PCSK5: variants seen among roughly 807,000 people sequenced by gnomAD.
The protein encoded by PCSK5 is proprotein convertase subtilisin/kexin type 5.
A neutral mutation model predicts 233.2 loss-of-function variants in PCSK5; 129 were observed. The observed-to-expected ratio is 0.55, with a 90% CI of 0.48 to 0.64. PCSK5 has a LOEUF of 0.64. Ranked by LOEUF, PCSK5 falls within the 30% of genes least tolerant of loss-of-function variation. PCSK5 has a pLI of 0.00. For missense variants in PCSK5, 2,076 were observed against 2,430.1 expected (o/e 0.85, Z 3.06); for synonymous variants, 825 against 879.2 (o/e 0.94, Z 1.09).
chr9:76,254,435 T>C (rs571944633), intron 24 of PCSK5, among the ~76,000 whole-genome samples: 22 of 152,212 alleles, frequency 1.4e-4, no homozygotes, highest in Middle Eastern at 3.4e-3. Flanking sequence ...CTAACTTTTT[T>C]CTTCTCTCAA....
chr9:76,116,140 A>G (rs911836089), intron 9 of PCSK5, among the ~76,000 whole-genome samples: 2 of 152,084 alleles, frequency 1.3e-5, no homozygotes, highest in Non-Finnish European at 2.9e-5. Context: ...GATTGAAAGC[A>G]TGTCATTTTA....
chr9:76,165,031 A>G (rs1823034032), intron 12 of PCSK5, among the ~76,000 whole-genome samples: 1 of 152,060 alleles, frequency 6.6e-6, no homozygotes, highest in Admixed American at 6.6e-5. Flanking sequence ...AGTAATTGAG[A>G]TTAGGAAAGA....
intron 5 of PCSK5, among the ~76,000 whole-genome samples, chr9:76,041,677 TA>T (rs955459293): frequency 6.6e-6 from 1 of 151,906 alleles, no homozygotes; most frequent in Non-Finnish European, 1.5e-5. Context: ...CCGTCTCTAC[TA>T]AAAATACAAA....
At chr9:76,064,414 C>A (rs1344349379) in intron 5 of PCSK5, among the ~76,000 whole-genome samples, 1 of 129,368 alleles carries the variant, frequency 7.7e-6, no homozygotes, top group Non-Finnish European at 1.7e-5. Flanking sequence ...GGGGGCTGAC[C>A]CCCCCACCTC....
intron 2 of PCSK5, among the ~76,000 whole-genome samples, chr9:75,939,257 A>C (rs1299387706): frequency 1.3e-5 from 2 of 152,232 alleles, no homozygotes; most frequent in Non-Finnish European, 2.9e-5. Context: ...ACAGACTTCT[A>C]ACATAGAAGC....
At chr9:75,907,902 C>T (rs1034119389) in intron 1 of PCSK5, among the ~76,000 whole-genome samples, 2 of 152,336 alleles carry the variant, frequency 1.3e-5, no homozygotes, top group East Asian at 1.9e-4. Context: ...GAAGGGTCCT[C>T]TGTATAAAAT....
chr9:76,197,923 T>G (rs1419384811), intron 20 of PCSK5, among the ~76,000 whole-genome samples: 1 of 152,252 alleles, frequency 6.6e-6, no homozygotes, highest in Non-Finnish European at 1.5e-5. Flanking sequence ...TTTGACATAT[T>G]TAGCAGGGCA....
intron 2 of PCSK5, among the ~76,000 whole-genome samples, chr9:75,949,816 G>A (rs543846629): frequency 6.6e-6 from 1 of 152,042 alleles, no homozygotes; most frequent in South Asian, 2.1e-4. Flanking sequence ...GAGCCACCGC[G>A]CCTGGCCTAA....
At chr9:75,924,750 A>G (rs1359757260) in intron 1 of PCSK5, among the ~76,000 whole-genome samples, 1 of 152,218 alleles carries the variant, frequency 6.6e-6, no homozygotes, top group Non-Finnish European at 1.5e-5. Flanking sequence ...AGCTTTCTGG[A>G]CAGCGGTTGA....
At chr9:75,934,585 T>A (rs1022669198) in intron 2 of PCSK5, among the ~76,000 whole-genome samples, 6 of 151,860 alleles carry the variant, frequency 4.0e-5, no homozygotes, top group African/African-American at 1.5e-4. Context: ...GTTTTTTTTT[T>A]TAAATTTTTT....
At chr9:76,217,645 G>T (rs1825584386) in intron 20 of PCSK5, among the ~76,000 whole-genome samples, 2 of 152,170 alleles carry the variant, frequency 1.3e-5, no homozygotes, top group Admixed American at 6.5e-5. Flanking sequence ...TTGGGGGAAG[G>T]CATGCTTCCA....
intron 20 of PCSK5, among the ~76,000 whole-genome samples, chr9:76,210,974 A>C (rs3913046): frequency 0.38 from 56,984 of 151,868 alleles, 10,919 homozygotes; most frequent in African/African-American, 0.46. Context: ...GCACTCACCT[A>C]GATTGGAAGC....
At chr9:76,307,691 A>G (rs1828743069) in intron 28 of PCSK5, among the ~76,000 whole-genome samples, 2 of 152,160 alleles carry the variant, frequency 1.3e-5, no homozygotes, top group Non-Finnish European at 2.9e-5. Flanking sequence ...TGAGTAGGGG[A>G]TAATTTTGAT....
chr9:76,307,715 T>C (rs1294860898), intron 28 of PCSK5, among the ~76,000 whole-genome samples: 1 of 151,982 alleles, frequency 6.6e-6, no homozygotes, highest in Non-Finnish European at 1.5e-5. Flanking sequence ...TAACAATGAT[T>C]TGGGACAAAC....
Position 76,332,601 on chromosome 9 carries a change from G to T in PCSK5, c.4739G>T (p.Cys1580Phe). Residue 1580 changes from cysteine (C) to phenylalanine (F), a missense_variant, in exon 34 of 38, where the codon TGC becomes TTC. By Grantham distance (205) the Cys-to-Phe change is radical. Transcript: ENST00000674117. ...FQLGKECLLQ[C>F]REGYYADNST... ...CTAGGAAAAGAGTGCCTGCTCCAGT[G>T]CAGGGAAGGGTAAGTGCTCAATACA... 1 of 1,583,862 alleles carries T rather than the reference G, an allele frequency of 6.3e-7. No homozygotes were observed.
At chr9:75,979,946 G>A (rs1326895108) in intron 2 of PCSK5, among the ~76,000 whole-genome samples, 1 of 152,134 alleles carries the variant, frequency 6.6e-6, no homozygotes, top group African/African-American at 2.4e-5. Flanking sequence ...TCCCACATAG[G>A]AGCTACTCAA....
intron 13 of PCSK5, among the ~76,000 whole-genome samples, chr9:76,170,739 C>A (rs1314137851): frequency 1.3e-5 from 2 of 152,182 alleles, no homozygotes; most frequent in Admixed American, 1.3e-4. Context: ...AATAAAGTAA[C>A]CTAGACATTC....
chr9:76,042,549 G>A (rs181972922), intron 5 of PCSK5, among the ~76,000 whole-genome samples: 2 of 152,128 alleles, frequency 1.3e-5, no homozygotes, highest in African/African-American at 2.4e-5. Context: ...CAGCTACTAG[G>A]GGGGGCTGAG....
At chr9:76,016,302 C>T (rs1223925549) in intron 3 of PCSK5, among the ~76,000 whole-genome samples, 1 of 152,170 alleles carries the variant, frequency 6.6e-6, no homozygotes, top group African/African-American at 2.4e-5. Flanking sequence ...TTTGCAATTG[C>T]TTGTCTGTTG....
Sources: gnomAD v4.1 joint callset for allele counts (sites outside exome capture counted in the v4.1 genomes callset) on GRCh38, gnomAD v4.1.1 for gene constraint, MANE v1.5 for transcripts, NCBI Gene and HGNC (gene_info 2026-07-23, HGNC 2026-07-21) for gene names.